SH3D19: variants seen among roughly 807,000 people sequenced by gnomAD.
The protein encoded by SH3D19 is SH3 domain containing 19.
In SH3D19, 58 loss-of-function variants were observed where a neutral mutation model predicts 112.1. That is an observed-to-expected ratio of 0.52 (90% confidence interval 0.42 to 0.64). SH3D19 has a LOEUF of 0.64. SH3D19 is among the 30% of genes least tolerant of loss of function. The pLI, the probability that SH3D19 is intolerant of heterozygous loss-of-function variation, is 0.00. For synonymous variants in SH3D19, 391 were observed against 448.5 expected (o/e 0.87, Z 1.62); for missense variants, 1,090 against 1,263.4 (o/e 0.86, Z 2.08).
chr4:151,244,909 C>T (rs1175357969), intron 1 of SH3D19, among the ~76,000 whole-genome samples: 2 of 151,886 alleles, frequency 1.3e-5, no homozygotes, highest in East Asian at 1.9e-4. Context: ...TTTGGGAGGC[C>T]GAGGCGGGCA....
chr4:151,138,831 T>G (rs572818796), intron 13 of SH3D19, among the ~76,000 whole-genome samples: 90 of 152,238 alleles, frequency 5.9e-4, no homozygotes, highest in African/African-American at 1.5e-3. Flanking sequence ...TTACAATTTT[T>G]TTGTTGTTGT....
intron 1 of SH3D19, among the ~76,000 whole-genome samples, chr4:151,241,256 C>T (rs1252535101): frequency 6.6e-6 from 1 of 151,942 alleles, no homozygotes; most frequent in Non-Finnish European, 1.5e-5. Flanking sequence ...TGTGCCACTG[C>T]ACTCCAGCCT....
At chr4:151,154,001 G>A (rs576583391) in intron 9 of SH3D19, among the ~76,000 whole-genome samples, 24 of 151,868 alleles carry the variant, frequency 1.6e-4, no homozygotes, top group Admixed American at 3.3e-4. Context: ...TCACTCTGTC[G>A]CACAGGCTGG....
Position 151,144,058 on chromosome 4 carries a change from G to A in SH3D19, c.2083-8C>T. On this transcript the variant is annotated splice_polypyrimidine_tract_variant and splice_region_variant and intron_variant, in intron 11 of 19. Coordinates refer to ENST00000604030, the MANE Select transcript of SH3D19 (RefSeq NM_001378122.1). ...CACAAGTACATCCCCACGCTGCAAGGTACAATACCACTCTCTGAAGCAATT... is the reference window on the plus strand; with the variant it reads ...CACAAGTACATCCCCACGCTGCAAGATACAATACCACTCTCTGAAGCAATT... 1 of 1,607,890 alleles carries A rather than the reference G, an allele frequency of 6.2e-7. No homozygotes were observed. The highest frequency in any genetic ancestry group is 8.5e-7 in the Non-Finnish European group (1 of 1,177,982).
chr4:151,184,175 C>T (rs1327752552), intron 3 of SH3D19, among the ~76,000 whole-genome samples: 2 of 152,160 alleles, frequency 1.3e-5, no homozygotes, highest in African/African-American at 2.4e-5. Context: ...GACCCCAAGG[C>T]TTGACTGGAA....
intron 1 of SH3D19, among the ~76,000 whole-genome samples, chr4:151,294,418 G>A (rs1302925685): frequency 6.6e-6 from 1 of 152,230 alleles, no homozygotes; most frequent in Non-Finnish European, 1.5e-5. Context: ...GGAAGGACCA[G>A]GCCATGCAAC....
chr4:151,215,031 C>T (rs1451474698), intron 2 of SH3D19, among the ~76,000 whole-genome samples: 2 of 142,886 alleles, frequency 1.4e-5, no homozygotes, highest in African/African-American at 5.4e-5. Context: ...ACATCCCAGA[C>T]GGGGCGGCGG....
intron 2 of SH3D19, among the ~76,000 whole-genome samples, chr4:151,207,360 T>C (rs1190778077): frequency 2.0e-5 from 3 of 152,224 alleles, no homozygotes; most frequent in African/African-American, 2.4e-5. Context: ...TATCATGCTT[T>C]TACCATTAGC....
intron 1 of SH3D19, among the ~76,000 whole-genome samples, chr4:151,290,924 T>C (rs1775267234): frequency 2.0e-5 from 3 of 152,244 alleles, no homozygotes; most frequent in Admixed American, 2.0e-4. Context: ...CACTAAGGTC[T>C]CTGACAATTT....
chr4:151,324,520 G>C (rs184889371), intron 1 of SH3D19, among the ~76,000 whole-genome samples: 2 of 133,992 alleles, frequency 1.5e-5, no homozygotes, highest in East Asian at 4.5e-4. Context: ...TGATTGAAAA[G>C]CCGCCCGGAA....
chr4:151,185,246 T>C (rs953002483), intron 3 of SH3D19, among the ~76,000 whole-genome samples: 20 of 152,060 alleles, frequency 1.3e-4, no homozygotes, highest in African/African-American at 4.8e-4. Context: ...CAGATATGAC[T>C]CAGTGAAAGG....
intron 2 of SH3D19, among the ~76,000 whole-genome samples, chr4:151,213,683 A>ATTT (rs1554055392): frequency 2.1e-4 from 31 of 148,148 alleles, no homozygotes; most frequent in African/African-American, 6.9e-4. Flanking sequence ...TTAATTAATT[A>ATTT]ATTAATTTAT....
At position 151,279,876 on chromosome 4, in the gene SH3D19, C is replaced by G. The variant is rs1245063607; in HGVS notation, c.112+45365G>C. ...AGGGCGCTGGCCTTGGCAGGTCAGC[C>G]TACACTTTGACCACAACTTTATCTG... is the stretch of plus-strand genomic sequence containing the variant. On this transcript the variant is annotated intron_variant, in intron 1 of 19. Transcript: ENST00000604030. The G allele has an allele frequency of 2.9e-6, 4 of 1,398,146 alleles. No individual in the cohort carries two copies. Among genetic ancestry groups the G allele is most frequent in the Non-Finnish European group, 4.1e-6 (4 of 987,578 alleles). 86.6% of individuals were successfully genotyped at this position (1,398,146 alleles called of 1,614,324 possible).
chr4:151,311,064 T>C (rs1200848756), intron 1 of SH3D19, among the ~76,000 whole-genome samples: 1 of 149,816 alleles, frequency 6.7e-6, no homozygotes, highest in Non-Finnish European at 1.5e-5. Context: ...TGAATAATGC[T>C]GCAGTGAACA....
chr4:151,197,461 G>A (rs1280795536), intron 2 of SH3D19, among the ~76,000 whole-genome samples: 2 of 152,182 alleles, frequency 1.3e-5, no homozygotes, highest in South Asian at 2.1e-4. Context: ...AAATTCAAAT[G>A]TTCCAGAAGC....
At chr4:151,178,434 C>G (rs977526295) in intron 4 of SH3D19, among the ~76,000 whole-genome samples, 1 of 152,170 alleles carries the variant, frequency 6.6e-6, no homozygotes, top group Non-Finnish European at 1.5e-5. Context: ...AACAGTAGAA[C>G]CTGATCATTG....
At chr4:151,253,203 C>T (rs1407377644) in intron 1 of SH3D19, among the ~76,000 whole-genome samples, 3 of 152,196 alleles carry the variant, frequency 2.0e-5, no homozygotes, top group Non-Finnish European at 4.4e-5. Context: ...ACCGCTGGAG[C>T]CCCTCACTCT....
chr4:151,131,712 T>TCCCCTGACCTCATGATCCGCCCG lies in SH3D19; in HGVS notation c.2742+596_2742+618dup, dbSNP rs1160713229. Reference sequence around the variant, plus strand: ...ACCGTGTTAGCCAGGGTGGTCTCGATCCCCTGACCTCATGATCCGCCCGCC... The same window carrying TCCCCTGACCTCATGATCCGCCCG: ...ACCGTGTTAGCCAGGGTGGTCTCGATCCCCTGACCTCATGATCCGCCCGCCCCTGACCTCATGATCCGCCCGCC... On this transcript the variant is annotated intron_variant, in intron 17 of 19. Transcript: ENST00000604030. Among the ~76,000 whole-genome samples, 5 of 151,728 alleles carry TCCCCTGACCTCATGATCCGCCCG rather than the reference T, an allele frequency of 3.3e-5. 1 individual carries two copies. The highest frequency in any genetic ancestry group is 4.2e-4 in the South Asian group (2 of 4,798).
Position 151,258,396 on chromosome 4 carries a change from A to C in SH3D19, c.113-32310T>G, listed in dbSNP as rs1307653681. Among the ~76,000 whole-genome samples, 4 of 152,206 alleles carry C rather than the reference A, an allele frequency of 2.6e-5. No individual in the cohort carries two copies. In the East Asian group the frequency reaches 7.7e-4, roughly 29 times the overall value. On this transcript the variant is annotated intron_variant, in intron 1 of 19. Transcript: ENST00000604030. ...AGTCTGCACAGCCATTTGAGATCCC[A>C]AATCAGGGATCTGCCCTCCATTGGT...
Sources: gnomAD v4.1 joint callset for allele counts (sites outside exome capture counted in the v4.1 genomes callset) on GRCh38, gnomAD v4.1.1 for gene constraint, MANE v1.5 for transcripts, NCBI Gene and HGNC (gene_info 2026-07-23, HGNC 2026-07-21) for gene names.